SP140L: variants seen among roughly 807,000 people sequenced by gnomAD.
SP140L encodes the protein nuclear body protein SP140-like protein.
SP140L carries 64 observed loss-of-function variants against 84.3 expected under a neutral mutation model. That is an observed-to-expected ratio of 0.76 (90% CI 0.62 to 0.94). The LOEUF is 0.94. SP140L is among the 40% of genes least tolerant of loss of function. The pLI is 0.00. For missense variants in SP140L, 628 were observed against 692.5 expected (o/e 0.91, Z 1.05); for synonymous variants, 242 against 236.9 (o/e 1.02, Z -0.20).
chr2:230,386,602 A>C (rs2061592532), intron 9 of SP140L, among the ~76,000 whole-genome samples: 1 of 152,194 alleles, frequency 6.6e-6, no homozygotes, highest in Non-Finnish European at 1.5e-5. Flanking sequence ...TTGCTCAGCC[A>C]CTTGATTCTG....
In SP140L at chr2:230,378,992, T is replaced by C. The variant is rs149744821; in HGVS notation, c.638-4518T>C. Among the ~76,000 whole-genome samples the C allele has an allele frequency of 3.7e-3, 556 of 152,324 alleles. 6 individuals carry two copies. Among genetic ancestry groups the C allele is most frequent in the Non-Finnish European group, 3.2e-3 (216 of 68,024 alleles). Reference sequence around the variant, plus strand: ...ACCTCTTAGTGGATTTCTTTTCTTTTATCATTATACAGCATTCTGCTTTAT... The same window carrying C: ...ACCTCTTAGTGGATTTCTTTTCTTTCATCATTATACAGCATTCTGCTTTAT... On this transcript the variant is annotated intron_variant, in intron 7 of 18. Transcript: ENST00000415673.
chr2:230,361,083 G>A (rs2060700260), intron 4 of SP140L, among the ~76,000 whole-genome samples: 1 of 152,130 alleles, frequency 6.6e-6, no homozygotes, highest in South Asian at 2.1e-4. Context: ...CTGAGTAGCT[G>A]GGACCACAGG....
intron 9 of SP140L, among the ~76,000 whole-genome samples, chr2:230,387,517 T>C (rs1318433946): frequency 6.6e-6 from 1 of 152,204 alleles, no homozygotes; most frequent in East Asian, 1.9e-4. Context: ...TCTACTTTGC[T>C]GGCCTAATAT....
chr2:230,377,128 C>T (rs890969220), intron 7 of SP140L, among the ~76,000 whole-genome samples: 2 of 152,144 alleles, frequency 1.3e-5, no homozygotes, highest in Admixed American at 6.5e-5. Flanking sequence ...CCCCAAAGTC[C>T]ACTTGTGTTC....
chr2:230,359,323 T>G (rs2060644226), intron 4 of SP140L, among the ~76,000 whole-genome samples, 191 bp downstream of exon 4: 1 of 152,208 alleles, frequency 6.6e-6, no homozygotes, highest in Non-Finnish European at 1.5e-5. Context: ...TCTGGAGGTC[T>G]GCTTCACTGG....
chr2:230,381,986 C>T (rs140647483), intron 7 of SP140L, among the ~76,000 whole-genome samples: 1 of 152,320 alleles, frequency 6.6e-6, no homozygotes, highest in Non-Finnish European at 1.5e-5. Flanking sequence ...ACAGTGCCTC[C>T]TCCTACATGG....
At chr2:230,375,503 T>C (rs1039873967) in intron 7 of SP140L, among the ~76,000 whole-genome samples, 1 of 152,220 alleles carries the variant, frequency 6.6e-6, no homozygotes, top group Admixed American at 6.5e-5. Flanking sequence ...CCAATTTACA[T>C]TCCCACTTAC....
At chr2:230,376,643 C>T (rs2061248189) in intron 7 of SP140L, among the ~76,000 whole-genome samples, 1 of 151,998 alleles carries the variant, frequency 6.6e-6, no homozygotes, top group Admixed American at 6.6e-5. Flanking sequence ...AATGTTCATA[C>T]CATCCAAAGT....
chr2:230,339,790 A>G (rs1575437381), intron 2 of SP140L, among the ~76,000 whole-genome samples: 1 of 137,960 alleles, frequency 7.2e-6, no homozygotes. Context: ...TTCAGTTTCC[A>G]TGTAGTTGAG....
intron 5 of SP140L, among the ~76,000 whole-genome samples, chr2:230,363,807 T>G (rs1458734662): frequency 6.6e-6 from 1 of 152,198 alleles, no homozygotes; most frequent in Non-Finnish European, 1.5e-5. Flanking sequence ...CTTCAGGTAT[T>G]AAATTTAAAT....
intron 7 of SP140L, among the ~76,000 whole-genome samples, chr2:230,382,114 T>G (rs1217756893): frequency 2.0e-5 from 3 of 152,058 alleles, no homozygotes; most frequent in African/African-American, 7.2e-5. Context: ...TTGAGGACAG[T>G]CTGTCCAATC....
rs543806660 is a variant in SP140L, at chr2:230,384,030, T to C, written c.703+455T>C. 3.9e-5 allele frequency among the ~76,000 whole-genome samples: 6 copies of C among 152,280 alleles called. No homozygotes were observed. In the South Asian group the frequency reaches 1.2e-3, roughly 32 times the overall value. ...CCTTACATAGATATATGCAATTATT[T>C]ATCTGTGTGTATGAAGAGATATAAA... On this transcript the variant is annotated intron_variant, in intron 8 of 18. Transcript: ENST00000415673.
intron 2 of SP140L, among the ~76,000 whole-genome samples, chr2:230,349,885 T>C (rs1306340433): frequency 6.6e-6 from 1 of 152,150 alleles, no homozygotes; most frequent in African/African-American, 2.4e-5. Flanking sequence ...AGCACATGCC[T>C]GTAATTCCAG....
intron 2 of SP140L, among the ~76,000 whole-genome samples, chr2:230,344,228 A>C (rs879686817): frequency 6.6e-6 from 1 of 152,164 alleles, no homozygotes; most frequent in Non-Finnish European, 1.5e-5. Context: ...TGTATATTTC[A>C]GATAGCTCTT....
chr2:230,373,849 T>A lies in SP140L; in HGVS notation c.637+2198T>A, dbSNP rs548650614. On this transcript the variant is annotated intron_variant, in intron 7 of 18. Coordinates refer to ENST00000415673, the MANE Select transcript of SP140L (RefSeq NM_138402.6). ...TCAATTGGAAACCTTCTGGAAAGGA[T>A]TCACCATTTCACATTGCGATTAAGA... Among the ~76,000 whole-genome samples, 3 of 152,352 alleles carry A rather than the reference T, an allele frequency of 2.0e-5. No individual in the cohort carries two copies. The East Asian group carries it at 5.8e-4, about 29-fold the overall frequency.
At chr2:230,399,868 G>A (rs779200436) in intron 14 of SP140L, 6 of 335,806 alleles carry the variant, frequency 1.8e-5, no homozygotes, top group Non-Finnish European at 3.3e-5. Context: ...TTGCTTTGTT[G>A]CTAGGCTTTC....
intron 11 of SP140L, chr2:230,391,806 C>T (rs2061818416): frequency 3.4e-6 from 1 of 296,524 alleles, no homozygotes; most frequent in Admixed American, 4.2e-5. Context: ...GCTTTTCCTT[C>T]TGTAAGTGCT....
intron 8 of SP140L, 103 bp from the exon 9 acceptor site, chr2:230,385,121 G>T: frequency 1.8e-6 from 2 of 1,089,462 alleles, no homozygotes; most frequent in Non-Finnish European, 2.7e-6. Context: ...TGCTCGAGGG[G>T]ATCCAGAGTG....
At chr2:230,393,714 G>C (rs769189827) in intron 13 of SP140L, among the ~76,000 whole-genome samples, 4 of 152,184 alleles carry the variant, frequency 2.6e-5, no homozygotes, top group Non-Finnish European at 5.9e-5. Flanking sequence ...CAAACCTCCT[G>C]AATGTGTTTC....
Sources: allele counts gnomAD v4.1 joint callset (sites outside exome capture counted in the v4.1 genomes callset), GRCh38; gene constraint gnomAD v4.1.1; transcripts MANE v1.5; gene names NCBI Gene and HGNC (gene_info 2026-07-23, HGNC 2026-07-21).